The following GLI3 variants were observed in gnomAD, a reference collection of about 807,000 sequenced individuals.
The protein encoded by GLI3 is transcription activator GLI3.
Under a neutral mutation model 100.8 loss-of-function variants are expected in GLI3, and 20 were observed. The ratio of observed to expected loss-of-function variants is 0.20; its 90% CI spans 0.14 to 0.29. The LOEUF (loss-of-function observed/expected upper bound fraction) is 0.29. GLI3 is among the 10% of genes least tolerant of loss of function. The pLI, the probability that GLI3 is intolerant of heterozygous loss-of-function variation, is 1.00. For synonymous variants in GLI3, 938 were observed against 860.5 expected, an observed-to-expected ratio of 1.09 and a Z score of -1.58; for missense variants, 2,040 against 2,128.5, an observed-to-expected ratio of 0.96 and a Z score of 0.82.
chr7:42,245,941 C>T (rs1441250094), intron 1 of GLI3, among the ~76,000 whole-genome samples: 1 of 150,952 alleles, frequency 6.6e-6, no homozygotes, highest in African/African-American at 2.4e-5. Context: ...GGGAGATAGA[C>T]CATAAGGAAA....
In GLI3 at chr7:41,977,922, T is replaced by A; in HGVS notation, c.1648-200A>T. On this transcript the variant is annotated intron_variant, in intron 11 of 14. Coordinates refer to ENST00000395925, the MANE Select transcript of GLI3 (RefSeq NM_000168.6). ...GTAGTTCCAGATAAAGAGTTTTCAG[T>A]GCCAGTAAAAGTCCTGAAGTTTTTT... 4.9e-6 allele frequency: 3 copies of A among 609,826 alleles called. No individual in the cohort carries two copies. In the East Asian group the frequency reaches 8.5e-5, roughly 17 times the overall value. The allele number at this position is 609,826 out of a possible 1,614,324, so 37.8% of individuals were successfully genotyped here. A position where few individuals can be genotyped will look rare whatever the true frequency, so the allele number is the denominator to read the frequency against.
chr7:42,063,263 T>TGAATCAATTTTTTGACCAAATACATAC (rs1784607644), intron 4 of GLI3, among the ~76,000 whole-genome samples: 1 of 152,132 alleles, frequency 6.6e-6, no homozygotes, highest in Non-Finnish European at 1.5e-5. Context: ...ATCTTGACAA[T>TGAATCAATTTTTTGACCAAATACATAC]GAATCAATTT....
chr7:42,201,389 C>A (rs1295744549), intron 2 of GLI3, among the ~76,000 whole-genome samples: 1 of 152,170 alleles, frequency 6.6e-6, no homozygotes, highest in East Asian at 1.9e-4. Context: ...CGGGTAGAAA[C>A]TGTTACTGCC....
intron 3 of GLI3, among the ~76,000 whole-genome samples, chr7:42,083,569 T>C (rs991121400): frequency 3.3e-5 from 5 of 152,338 alleles, no homozygotes; most frequent in African/African-American, 9.6e-5. Context: ...AGGAAACCCA[T>C]GGCCTAACAC....
chr7:42,109,580 G>A lies in GLI3; in HGVS notation c.368-32723C>T, dbSNP rs80063109. On this transcript the variant is annotated intron_variant, in intron 3 of 14. Transcript: ENST00000395925. ...CAGGGCACTGGCATTTTCCAGTTGA[G>A]CATTCTGAGCTGACAGTGAAAATAA... Among the ~76,000 whole-genome samples, 490 of 152,336 alleles carry A rather than the reference G, an allele frequency of 3.2e-3. 1 individual carries two copies. Among genetic ancestry groups the A allele is most frequent in the South Asian group, 0.015 (72 of 4,832 alleles).
At chr7:41,998,935 C>G (rs1225362729) in intron 10 of GLI3, among the ~76,000 whole-genome samples, 1 of 152,220 alleles carries the variant, frequency 6.6e-6, no homozygotes, top group Non-Finnish European at 1.5e-5. Context: ...CCCCACACAG[C>G]CTTTCACCCT....
In GLI3 at chr7:42,198,202, T is replaced by C. The variant is rs372800501; in HGVS notation, c.124+24928A>G. Among the ~76,000 whole-genome samples the C allele has an allele frequency of 2.0e-5, 3 of 152,338 alleles. No individual in the cohort carries two copies. In the South Asian group the frequency reaches 6.2e-4, roughly 32 times the overall value. On this transcript the variant is annotated intron_variant, in intron 2 of 14. Coordinates refer to ENST00000395925, the MANE Select transcript of GLI3 (RefSeq NM_000168.6). Reference sequence around the variant, plus strand: ...TGAAGGACACAGGACAGGCTCATGGTTCTTACATTCTGCACAGAGACAGAA... The same window carrying C: ...TGAAGGACACAGGACAGGCTCATGGCTCTTACATTCTGCACAGAGACAGAA...
At chr7:42,038,492 A>G (rs1784065823) in intron 7 of GLI3, among the ~76,000 whole-genome samples, 1 of 152,198 alleles carries the variant, frequency 6.6e-6, no homozygotes, top group Non-Finnish European at 1.5e-5. Flanking sequence ...TTAGGTTTGT[A>G]TAGCTGGTTG....
chr7:42,018,580 AG>A (rs1462420520), intron 10 of GLI3, among the ~76,000 whole-genome samples: 1 of 152,226 alleles, frequency 6.6e-6, no homozygotes, highest in Non-Finnish European at 1.5e-5. Flanking sequence ...TTCACAAATT[AG>A]ATGTGTTTTC....
Position 42,178,162 on chromosome 7 carries a change from A to G in GLI3, c.125-29694T>C, listed in dbSNP as rs564712994. Among the ~76,000 whole-genome samples, 51 of 152,304 alleles carry G rather than the reference A, an allele frequency of 3.3e-4. 1 individual carries two copies. The highest frequency in any genetic ancestry group is 1.1e-3 in the African/African-American group (44 of 41,570). ...TGTCGGCCAAAAGCAGCACACAACA[A>G]ATGTCCACACACTCAACTGCTCTGC... On this transcript the variant is annotated intron_variant, in intron 2 of 14. Transcript: ENST00000395925.
chr7:42,069,430 A>G (rs928429278), intron 4 of GLI3, among the ~76,000 whole-genome samples: 4 of 152,204 alleles, frequency 2.6e-5, no homozygotes, highest in African/African-American at 9.7e-5. Flanking sequence ...TTTCCTAACT[A>G]TGAGGAAACT....
At chr7:42,039,250 T>C (rs1460181647) in intron 7 of GLI3, among the ~76,000 whole-genome samples, 1 of 152,228 alleles carries the variant, frequency 6.6e-6, no homozygotes, top group Non-Finnish European at 1.5e-5. Context: ...TGGCTTACTT[T>C]TATTCCCTAC....
chr7:42,210,130 C>T (rs956529356), intron 2 of GLI3, among the ~76,000 whole-genome samples: 1 of 152,044 alleles, frequency 6.6e-6, no homozygotes, highest in Non-Finnish European at 1.5e-5. Flanking sequence ...GAAGACGCCC[C>T]GCTGTCGAAC....
intron 13 of GLI3, among the ~76,000 whole-genome samples, chr7:41,968,228 T>C (rs561990806): frequency 6.6e-6 from 1 of 152,284 alleles, no homozygotes; most frequent in South Asian, 2.1e-4. Context: ...TCGGTTCCAA[T>C]CCCATCTCCA....
intron 2 of GLI3, among the ~76,000 whole-genome samples, chr7:42,168,437 A>G (rs1787289083): frequency 1.3e-5 from 2 of 152,240 alleles, no homozygotes; most frequent in Admixed American, 1.3e-4. Flanking sequence ...GTAACCAAAA[A>G]TGTGAAGCCA....
At chr7:42,240,826 G>A (rs1312664142), upstream of GLI3, among the ~76,000 whole-genome samples, 1 of 152,134 alleles carries the variant, frequency 6.6e-6, no homozygotes, top group Non-Finnish European at 1.5e-5. Context: ...GAGGAATGAA[G>A]GATACGCAAG....
At chr7:42,078,154 C>T (rs569211706) in intron 3 of GLI3, among the ~76,000 whole-genome samples, 65 of 152,310 alleles carry the variant, frequency 4.3e-4, no homozygotes, top group Middle Eastern at 6.8e-3. Context: ...CTGCATCCCC[C>T]GAGGTCGGCA....
At chr7:42,057,243 TCTC>T (rs1386872351) in intron 4 of GLI3, among the ~76,000 whole-genome samples, 1 of 152,188 alleles carries the variant, frequency 6.6e-6, no homozygotes, top group Non-Finnish European at 1.5e-5. Context: ...TTTAACTAAC[TCTC>T]CATAAACATC....
At chr7:42,172,731 C>T in intron 2 of GLI3, 1 of 671,546 alleles carries the variant, frequency 1.5e-6, no homozygotes, top group East Asian at 2.7e-5. Context: ...TGAGAGTTTT[C>T]CGTGAGTAAA....
Sources: allele counts gnomAD v4.1 joint callset (sites outside exome capture counted in the v4.1 genomes callset), GRCh38; gene constraint gnomAD v4.1.1; transcripts MANE v1.5; gene names NCBI Gene and HGNC (gene_info 2026-07-23, HGNC 2026-07-21).